CDK6: variants seen among roughly 807,000 people sequenced by gnomAD.
The protein encoded by CDK6 is cyclin dependent kinase 6.
Under a neutral mutation model 37.1 loss-of-function variants are expected in CDK6, and 6 were observed. That is an observed-to-expected ratio of 0.16 (90% CI 0.09 to 0.32). The LOEUF is 0.32. CDK6 is among the 10% of genes least tolerant of loss of function. The probability of loss-of-function intolerance (pLI) is 1.00; values close to 1 mark genes in which losing one functional copy is unlikely to be tolerated. For synonymous variants in CDK6, 160 were observed against 161.3 expected (o/e 0.99, Z 0.06); for missense variants, 224 against 418.9 (o/e 0.53, Z 4.06).
At chr7:92,686,368 A>G (rs997132370) in intron 4 of CDK6, among the ~76,000 whole-genome samples, 25 of 151,948 alleles carry the variant, frequency 1.6e-4, no homozygotes, top group Admixed American at 3.3e-4. Flanking sequence ...AGAACATACC[A>G]TGTTTGGTTT....
At chr7:92,697,528 ACTAGC>A (rs1797747824) in intron 4 of CDK6, among the ~76,000 whole-genome samples, 1 of 152,218 alleles carries the variant, frequency 6.6e-6, no homozygotes, top group African/African-American at 2.4e-5. Flanking sequence ...TAGTCCCACA[ACTAGC>A]CACTTGTCAG....
chr7:92,672,170 CACACACACACACAG>C (rs1797091996), intron 4 of CDK6, among the ~76,000 whole-genome samples: 4 of 101,430 alleles, frequency 3.9e-5, no homozygotes, highest in Non-Finnish European at 5.7e-5. Flanking sequence ...TACACATACA[CACACACACACACAG>C]ACACATACAC....
rs909346938 is a variant in CDK6, at chr7:92,611,255, G to T, written c.*3885C>A. On this transcript the variant is annotated 3_prime_UTR_variant, in exon 8 of 8. Transcript: ENST00000424848. ...TTTTGAATTATATAAATATCTAAGAGTTTATAATAACATTCCAATATTTTC... is the reference window on the plus strand; with the variant it reads ...TTTTGAATTATATAAATATCTAAGATTTTATAATAACATTCCAATATTTTC... 3.1e-5 allele frequency: 7 copies of T among 224,736 alleles called. No homozygotes were observed. The highest frequency in any genetic ancestry group is 1.3e-3 in the Middle Eastern group (1 of 764). 13.9% of individuals were successfully genotyped at this position (224,736 alleles called of 1,614,324 possible).
Position 92,611,167 on chromosome 7 carries a change from G to T in CDK6, c.*3973C>A, listed in dbSNP as rs1795555038. On this transcript the variant is annotated 3_prime_UTR_variant, in exon 8 of 8. Transcript: ENST00000424848. Reference sequence around the variant, plus strand: ...CTTTATCTATTGCCCACTGTTTTATGAATAATTTTTAAAGCCTTAGAAATC... The same window carrying T: ...CTTTATCTATTGCCCACTGTTTTATTAATAATTTTTAAAGCCTTAGAAATC... The T allele has an allele frequency of 4.4e-6, 1 of 226,438 alleles. No individual in the cohort carries two copies. The highest frequency in any genetic ancestry group is 5.7e-5 in the Admixed American group (1 of 17,592). The allele number at this position is 226,438 out of a possible 1,614,324, so 14.0% of individuals were successfully genotyped here. A position where few individuals can be genotyped will look rare whatever the true frequency, so the allele number is the denominator to read the frequency against.
chr7:92,813,304 GA>G (rs1203905629), intron 2 of CDK6, among the ~76,000 whole-genome samples: 1 of 152,044 alleles, frequency 6.6e-6, no homozygotes, highest in Non-Finnish European at 1.5e-5. Context: ...ATTTGAGAGG[GA>G]AACAGAAAGG....
At chr7:92,685,839 T>C (rs1178405781) in intron 4 of CDK6, among the ~76,000 whole-genome samples, 1 of 152,256 alleles carries the variant, frequency 6.6e-6, no homozygotes, top group Non-Finnish European at 1.5e-5. Flanking sequence ...AACCTGATGT[T>C]AAGCAGTTAT....
intron 4 of CDK6, among the ~76,000 whole-genome samples, chr7:92,709,283 A>T (rs567201345): frequency 6.6e-6 from 1 of 152,112 alleles, no homozygotes; most frequent in African/African-American, 2.4e-5. Context: ...TCAACAACCC[A>T]CATACTTCTT....
intron 2 of CDK6, among the ~76,000 whole-genome samples, chr7:92,782,970 C>T (rs1800031892): frequency 6.6e-6 from 1 of 152,176 alleles, no homozygotes; most frequent in Admixed American, 6.5e-5. Context: ...TCTGACTTGG[C>T]TGGGAATCTA....
intron 3 of CDK6, among the ~76,000 whole-genome samples, chr7:92,774,279 T>G (rs1249576086): frequency 6.6e-6 from 1 of 152,190 alleles, no homozygotes; most frequent in Admixed American, 6.5e-5. Flanking sequence ...CCCGGAGTTA[T>G]TATACAATCA....
chr7:92,736,554 TC>T (rs1798791475), intron 3 of CDK6, among the ~76,000 whole-genome samples: 1 of 152,144 alleles, frequency 6.6e-6, no homozygotes, highest in Non-Finnish European at 1.5e-5. Context: ...TGGGGAAGCA[TC>T]TGTCATGGAG....
At chr7:92,770,627 C>T (rs1206518817) in intron 3 of CDK6, among the ~76,000 whole-genome samples, 1 of 151,870 alleles carries the variant, frequency 6.6e-6, no homozygotes, top group East Asian at 1.9e-4. Flanking sequence ...TATAAGTAAG[C>T]TAGAAAAGTA....
intron 5 of CDK6, among the ~76,000 whole-genome samples, chr7:92,632,190 T>C (rs906662482): frequency 6.6e-6 from 1 of 152,142 alleles, no homozygotes; most frequent in African/African-American, 2.4e-5. Flanking sequence ...AATATTGACA[T>C]CAGCCGGATG....
At chr7:92,741,676 G>GA (rs1721170302) in intron 3 of CDK6, among the ~76,000 whole-genome samples, 1 of 151,850 alleles carries the variant, frequency 6.6e-6, no homozygotes, top group Non-Finnish European at 1.5e-5. Context: ...TAAGTTAGTA[G>GA]CCAGCAGTCT....
chr7:92,717,278 C>A (rs936995617), intron 4 of CDK6, among the ~76,000 whole-genome samples: 2 of 151,590 alleles, frequency 1.3e-5, no homozygotes, highest in African/African-American at 4.8e-5. Flanking sequence ...GGAGTTGGAG[C>A]CTGCACTAAG....
chr7:92,707,393 T>C (rs1193354882), intron 4 of CDK6, among the ~76,000 whole-genome samples: 1 of 152,216 alleles, frequency 6.6e-6, no homozygotes, highest in Non-Finnish European at 1.5e-5. Context: ...TGTACTGTGG[T>C]ATTATACTGT....
intron 3 of CDK6, among the ~76,000 whole-genome samples, chr7:92,741,085 A>G (rs1449784919): frequency 6.6e-6 from 1 of 152,214 alleles, no homozygotes; most frequent in Non-Finnish European, 1.5e-5. Flanking sequence ...CAGCTAAAAT[A>G]TCCACAATTA....
intron 2 of CDK6, among the ~76,000 whole-genome samples, chr7:92,814,664 A>G (rs1800979044): frequency 6.6e-6 from 1 of 151,788 alleles, no homozygotes; most frequent in Non-Finnish European, 1.5e-5. Context: ...ATTTGCCTCC[A>G]TTCTTTCTCA....
At chr7:92,712,764 A>C (rs1798125844) in intron 4 of CDK6, among the ~76,000 whole-genome samples, 1 of 152,218 alleles carries the variant, frequency 6.6e-6, no homozygotes, top group African/African-American at 2.4e-5. Flanking sequence ...CTACTTGCCA[A>C]TAAAAGGCAT....
chr7:92,767,389 G>C (rs777785279), intron 3 of CDK6, among the ~76,000 whole-genome samples: 1 of 152,094 alleles, frequency 6.6e-6, no homozygotes, highest in African/African-American at 2.4e-5. Flanking sequence ...TTCCTGATTG[G>C]AGCAGAGGGA....
Sources: allele counts gnomAD v4.1 joint callset (sites outside exome capture counted in the v4.1 genomes callset), GRCh38; gene constraint gnomAD v4.1.1; transcripts MANE v1.5; gene names NCBI Gene and HGNC (gene_info 2026-07-23, HGNC 2026-07-21).